Variants in DISC1 observed in about 807,000 individuals in gnomAD.
DISC1 encodes the protein disrupted in schizophrenia 1 protein.
In DISC1, 57 loss-of-function variants were observed where a neutral mutation model predicts 84.5. That is an observed-to-expected ratio of 0.67 (90% confidence interval 0.55 to 0.84). DISC1 has a LOEUF of 0.84. Ranked by LOEUF, DISC1 falls within the 40% of genes least tolerant of loss-of-function variation. The pLI is 0.00. For synonymous variants in DISC1, 411 were observed against 415.2 expected, an observed-to-expected ratio of 0.99 and a Z score of 0.12; for missense variants, 1,000 against 1,057.8, an observed-to-expected ratio of 0.95 and a Z score of 0.76.
At chr1:231,818,964 T>G in intron 9 of DISC1, 1 of 1,001,514 alleles carries the variant, frequency 1.0e-6, no homozygotes, top group Non-Finnish European at 1.2e-6. Flanking sequence ...TCTGAGAGCT[T>G]CTTTCCCCAG....
Position 231,982,926 on chromosome 1 carries a change from T to G in DISC1, c.2042+24038T>G, listed in dbSNP as rs559755040. Among the ~76,000 whole-genome samples the G allele has an allele frequency of 1.8e-4, 28 of 152,180 alleles. 1 individual carries two copies. The South Asian group carries it at 5.4e-3, about 29-fold the overall frequency. ...ACAGGGATGGTCTAATACAAATAAT[T>G]ATTAATTTTAACAGAGAACTGGAGT... On this transcript the variant is annotated intron_variant, in intron 10 of 12. Transcript: ENST00000439617.
At chr1:232,012,520 G>C (rs1290995884) in intron 11 of DISC1, among the ~76,000 whole-genome samples, 1 of 152,174 alleles carries the variant, frequency 6.6e-6, no homozygotes, top group Non-Finnish European at 1.5e-5. Context: ...TTGCAGCTCT[G>C]GGTTGGTTTT....
At position 232,028,084 on chromosome 1, in the gene DISC1, T is replaced by G. The variant is rs576606831; in HGVS notation, c.2425+1532T>G. Among the ~76,000 whole-genome samples the G allele has an allele frequency of 2.6e-5, 4 of 152,304 alleles. No homozygotes were observed. In the South Asian group the frequency reaches 8.3e-4, roughly 32 times the overall value. ...TAAAAATCTTGTATTTAAGCTATTA[T>G]CAGAAAGTTTCCCAAAGAAGCATAC... On this transcript the variant is annotated intron_variant, in intron 12 of 12. Transcript: ENST00000439617.
At chr1:231,672,918 G>T (rs547507583) in intron 1 of DISC1, among the ~76,000 whole-genome samples, 1 of 152,144 alleles carries the variant, frequency 6.6e-6, no homozygotes, top group African/African-American at 2.4e-5. Context: ...AAACCTCCCA[G>T]GTGATTTTGA....
intron 10 of DISC1, among the ~76,000 whole-genome samples, chr1:231,973,588 C>T (rs1662348405): frequency 6.6e-6 from 1 of 152,196 alleles, no homozygotes; most frequent in South Asian, 2.1e-4. Context: ...TAAACATCAT[C>T]AACAACAACC....
chr1:231,959,199 C>T (rs987872566), intron 10 of DISC1: 3 of 1,035,440 alleles, frequency 2.9e-6, no homozygotes, highest in African/African-American at 1.7e-5. Context: ...GTCTGTTTTT[C>T]CCTTTTTTAA....
chr1:231,749,409 A>C (rs1334772773), intron 3 of DISC1, among the ~76,000 whole-genome samples: 2 of 152,180 alleles, frequency 1.3e-5, no homozygotes, highest in East Asian at 3.8e-4. Flanking sequence ...TGGAACCCCT[A>C]CTTTACAACA....
intron 9 of DISC1, among the ~76,000 whole-genome samples, chr1:231,820,324 C>CT (rs965672111): frequency 2.0e-5 from 3 of 152,074 alleles, no homozygotes; most frequent in Non-Finnish European, 2.9e-5. Context: ...CCATATTCAG[C>CT]TTTTTTTGTG....
At chr1:231,879,933 A>C (rs1392724185) in intron 9 of DISC1, among the ~76,000 whole-genome samples, 3 of 152,208 alleles carry the variant, frequency 2.0e-5, no homozygotes, top group Non-Finnish European at 4.4e-5. Context: ...CCCAATGGAC[A>C]TGCAAACTGG....
In DISC1 at chr1:231,694,230, G is replaced by A. The variant is rs367543084; in HGVS notation, c.472G>A (p.Ala158Thr). The change falls in exon 2 of 13, where the codon GCC (alanine) becomes ACC (threonine). Residue 158 changes from alanine to threonine, a missense_variant. Coordinates refer to ENST00000439617, the MANE Select transcript of DISC1 (RefSeq NM_018662.3). The part of the protein sequence containing the change: ...AAMDSSETLD[A>T]SWEAACSDGA... ...CATGGATAGTTCTGAGACCCTGGAC[G>A]CCAGCTGGGAGGCAGCCTGCAGCGA... The A allele has an allele frequency of 2.3e-5, 37 of 1,614,160 alleles. No individual in the cohort carries two copies. Among genetic ancestry groups the A allele is most frequent in the Admixed American group, 6.7e-5 (4 of 60,030 alleles).
chr1:231,691,163 G>T (rs73115149), intron 1 of DISC1, among the ~76,000 whole-genome samples: 1,748 of 152,220 alleles, frequency 0.011, 40 homozygotes, highest in African/African-American at 0.04. Context: ...GGTGGCTGTG[G>T]CTCACAACTG....
intron 3 of DISC1, among the ~76,000 whole-genome samples, chr1:231,748,648 C>G (rs1189891991): frequency 6.6e-6 from 1 of 152,072 alleles, no homozygotes; most frequent in Non-Finnish European, 1.5e-5. Context: ...TGCTGATATT[C>G]TGTTGAGAAT....
At chr1:231,838,131 A>C (rs6700577) in intron 9 of DISC1, among the ~76,000 whole-genome samples, 133,789 of 152,194 alleles carry the variant, frequency 0.88, 58,836 homozygotes, top group Non-Finnish European at 0.88. Context: ...GGAGAAGAAC[A>C]TGTGGCCCGT....
At chr1:231,886,760 TTCCTTC>T (rs2086714628) in intron 9 of DISC1, among the ~76,000 whole-genome samples, 2 of 110,478 alleles carry the variant, frequency 1.8e-5, no homozygotes, top group African/African-American at 3.4e-5. Flanking sequence ...CCTTTCTTCC[TTCCTTC>T]CTTTCTTTCT....
chr1:231,708,414 G>A (rs112773888), intron 3 of DISC1, among the ~76,000 whole-genome samples: 4 of 152,298 alleles, frequency 2.6e-5, no homozygotes, highest in African/African-American at 7.2e-5. Flanking sequence ...AGCACTGTGC[G>A]TATACATAAC....
chr1:232,011,975 C>T (rs1448064792), intron 11 of DISC1, among the ~76,000 whole-genome samples: 1 of 152,144 alleles, frequency 6.6e-6, no homozygotes, highest in Middle Eastern at 3.4e-3. Flanking sequence ...AACACCACCA[C>T]GACATAAGAG....
chr1:231,668,374 A>C (rs1259995808), intron 1 of DISC1, among the ~76,000 whole-genome samples: 1 of 152,114 alleles, frequency 6.6e-6, no homozygotes, highest in East Asian at 1.9e-4. Flanking sequence ...TTTCCTGTTG[A>C]ACTCCTGTCT....
intron 3 of DISC1, among the ~76,000 whole-genome samples, chr1:231,718,825 C>A (rs1347793814): frequency 2.0e-5 from 3 of 152,190 alleles, no homozygotes; most frequent in Non-Finnish European, 4.4e-5. Context: ...CCACCTCCTT[C>A]TCCTACTAGG....
chr1:231,734,631 C>A (rs924675034), intron 3 of DISC1, among the ~76,000 whole-genome samples: 3 of 152,162 alleles, frequency 2.0e-5, no homozygotes, highest in Non-Finnish European at 4.4e-5. Context: ...GTTTACTTGG[C>A]AAATTCTTGC....
Sources: gnomAD v4.1 joint callset for allele counts (sites outside exome capture counted in the v4.1 genomes callset) on GRCh38, gnomAD v4.1.1 for gene constraint, MANE v1.5 for transcripts, NCBI Gene and HGNC (gene_info 2026-07-23, HGNC 2026-07-21) for gene names.